The following TMEFF2 variants were observed in gnomAD, a reference collection of about 807,000 sequenced individuals.
TMEFF2 encodes transmembrane protein with EGF like and two follistatin like domains 2.
In TMEFF2, 28 loss-of-function variants were observed where a neutral mutation model predicts 53.8. That is an observed-to-expected ratio of 0.52 (90% confidence interval 0.39 to 0.71). TMEFF2 has a LOEUF of 0.71. TMEFF2 is among the 30% of genes least tolerant of loss of function. The pLI, the probability that TMEFF2 is intolerant of heterozygous loss-of-function variation, is 0.00. For missense variants in TMEFF2, 353 were observed against 455.2 expected (o/e 0.78, Z 2.04); for synonymous variants, 162 against 166.3 (o/e 0.97, Z 0.20).
chr2:191,999,323 A>ATT (rs1244817676), intron 5 of TMEFF2, 115 bp from the exon 6 acceptor site: 1 of 844,518 alleles, frequency 1.2e-6, no homozygotes, highest in African/African-American at 1.7e-5. Flanking sequence ...GCAAAATTGA[A>ATT]TTGTATCCTT....
chr2:191,960,650 C>G (rs759670070), intron 7 of TMEFF2, among the ~76,000 whole-genome samples: 1 of 152,140 alleles, frequency 6.6e-6, no homozygotes, highest in Admixed American at 6.5e-5. Context: ...CAAATGTATA[C>G]AAATTCTTAG....
intron 4 of TMEFF2, among the ~76,000 whole-genome samples, chr2:192,135,385 CCTT>C (rs202138089): frequency 0.33 from 49,380 of 151,604 alleles, 9,084 homozygotes; most frequent in South Asian, 0.44. Flanking sequence ...CTGTTTTTCT[CCTT>C]CTCTTATTCC....
intron 7 of TMEFF2, among the ~76,000 whole-genome samples, chr2:191,987,924 C>T (rs944217411): frequency 6.6e-6 from 1 of 151,974 alleles, no homozygotes; most frequent in African/African-American, 2.4e-5. Flanking sequence ...GTATTATTTT[C>T]CTGATGATTA....
intron 7 of TMEFF2, among the ~76,000 whole-genome samples, chr2:191,965,210 A>T (rs1326698372): frequency 6.6e-6 from 1 of 152,112 alleles, no homozygotes; most frequent in African/African-American, 2.4e-5. Flanking sequence ...AGGGTCTCCC[A>T]GGTACCTCAA....
At chr2:192,143,148 C>T (rs868304291) in intron 4 of TMEFF2, among the ~76,000 whole-genome samples, 12 of 152,248 alleles carry the variant, frequency 7.9e-5, no homozygotes, top group South Asian at 2.1e-4. Context: ...CTTTAGTCTA[C>T]GTAAAACTCA....
At chr2:192,096,670 C>CTGTTT (rs61068218) in intron 4 of TMEFF2, among the ~76,000 whole-genome samples, 1 of 53,700 alleles carries the variant, frequency 1.9e-5, no homozygotes. Flanking sequence ...CTCTCTCTCT[C>CTGTTT]TTTTTTTTTT....
In TMEFF2 at chr2:192,114,107, T is replaced by TGA. The variant is rs1553521184; in HGVS notation, c.440-56334_440-56333dup. 4.2e-4 allele frequency among the ~76,000 whole-genome samples: 59 copies of TGA among 141,144 alleles called. 1 individual carries two copies. The highest frequency in any genetic ancestry group is 1.3e-3 in the African/African-American group (48 of 38,038). The allele number at this position is 141,144 out of a possible 152,430, so 92.6% of individuals were successfully genotyped here. The stretch of plus-strand genomic sequence containing the variant: ...GTGTGTGTGTGTGTGTGTGTGTGTG[T>TGA]GATAGCCCTTAACCAATAATAAACA... On this transcript the variant is annotated intron_variant, in intron 4 of 9. Transcript: ENST00000272771.
At chr2:192,066,645 A>C (rs1341998227) in intron 4 of TMEFF2, among the ~76,000 whole-genome samples, 1 of 151,840 alleles carries the variant, frequency 6.6e-6, no homozygotes, top group Admixed American at 6.6e-5. Flanking sequence ...ATGTTGAGGG[A>C]CAATTCTATT....
At chr2:192,115,031 C>G (rs959911606) in intron 4 of TMEFF2, among the ~76,000 whole-genome samples, 2 of 151,836 alleles carry the variant, frequency 1.3e-5, no homozygotes, top group Non-Finnish European at 2.9e-5. Flanking sequence ...TCTACAGATT[C>G]AATGCAATCC....
At chr2:192,083,626 A>G (rs1688603713) in intron 4 of TMEFF2, among the ~76,000 whole-genome samples, 2 of 151,884 alleles carry the variant, frequency 1.3e-5, no homozygotes, top group African/African-American at 4.8e-5. Flanking sequence ...AAAATCCTCT[A>G]CATAGCGGTT....
At chr2:192,177,875 C>CTTCATT (rs992242583) in intron 4 of TMEFF2, 2 of 150,950 alleles carry the variant, frequency 1.3e-5, no homozygotes, top group Non-Finnish European at 3.0e-5. Flanking sequence ...GTGAGTTTGA[C>CTTCATT]TTCATTTCCA....
chr2:191,987,707 G>A (rs552474072), intron 7 of TMEFF2, among the ~76,000 whole-genome samples: 2 of 152,254 alleles, frequency 1.3e-5, no homozygotes, highest in East Asian at 3.9e-4. Flanking sequence ...GAACAGAGAT[G>A]AGACTAAGTC....
Position 191,950,241 on chromosome 2 carries a change from CTTT to C in TMEFF2, c.*67_*69del. 7.3e-7 allele frequency: 1 copy of C among 1,375,656 alleles called. No individual in the cohort carries two copies. Among genetic ancestry groups the C allele is most frequent in the East Asian group, 2.8e-5 (1 of 36,214 alleles). The allele number at this position is 1,375,656 out of a possible 1,614,324, so 85.2% of individuals were successfully genotyped here. On this transcript the variant is annotated 3_prime_UTR_variant, in exon 10 of 10. Transcript: ENST00000272771. Reference sequence around the variant, plus strand: ...ACATGTGTAGATCTCTTGTCTTATTCTTTTGTCTATAATACTGTATTGTGTAGT... The same window carrying C: ...ACATGTGTAGATCTCTTGTCTTATTCTGTCTATAATACTGTATTGTGTAGT...
At chr2:192,017,622 T>C (rs897969428) in intron 5 of TMEFF2, among the ~76,000 whole-genome samples, 1 of 152,206 alleles carries the variant, frequency 6.6e-6, no homozygotes, top group African/African-American at 2.4e-5. Flanking sequence ...ATATCTCTTT[T>C]TATCTTTCAT....
chr2:192,052,079 G>A (rs546374684), intron 5 of TMEFF2, among the ~76,000 whole-genome samples: 2 of 152,210 alleles, frequency 1.3e-5, no homozygotes, highest in Non-Finnish European at 2.9e-5. Flanking sequence ...ATATGATATC[G>A]CTAATGGAGC....
chr2:192,191,841 C>T (rs1404387768), intron 2 of TMEFF2, 39 bp downstream of exon 2: 17 of 1,372,196 alleles, frequency 1.2e-5, no homozygotes, highest in Non-Finnish European at 1.8e-5. Flanking sequence ...TTTGCAGTCT[C>T]ATTAATGAAT....
At chr2:192,096,995 A>G (rs1688927006) in intron 4 of TMEFF2, among the ~76,000 whole-genome samples, 1 of 152,108 alleles carries the variant, frequency 6.6e-6, no homozygotes, top group Admixed American at 6.6e-5. Flanking sequence ...GCTATTTCTT[A>G]GTATTTAATG....
intron 5 of TMEFF2, among the ~76,000 whole-genome samples, chr2:192,047,248 T>C (rs1343017232): frequency 6.6e-6 from 1 of 152,190 alleles, no homozygotes; most frequent in African/African-American, 2.4e-5. Flanking sequence ...ATTACAGAAA[T>C]ACATCACTAA....
chr2:192,102,623 GTTC>G (rs1478151407), intron 4 of TMEFF2, among the ~76,000 whole-genome samples: 255 of 65,364 alleles, frequency 3.9e-3, no homozygotes, highest in African/African-American at 0.014. Context: ...TTCTTTTCTT[GTTC>G]TTTTTTTTTT....
Sources: allele counts gnomAD v4.1 joint callset (sites outside exome capture counted in the v4.1 genomes callset), GRCh38; gene constraint gnomAD v4.1.1; transcripts MANE v1.5; gene names NCBI Gene and HGNC (gene_info 2026-07-23, HGNC 2026-07-21).